Variants in TMEM154 observed in about 807,000 individuals in gnomAD.
TMEM154 encodes the protein transmembrane protein 154.
A neutral mutation model predicts 24.5 loss-of-function variants in TMEM154; 27 were observed. The ratio of observed to expected loss-of-function variants is 1.10; its 90% CI spans 0.81 to 1.52. The LOEUF is 1.52. Ranked by LOEUF, TMEM154 falls within the 40% of genes most tolerant of loss-of-function variation. The probability of loss-of-function intolerance (pLI) is 0.00; values close to 1 mark genes in which losing one functional copy is unlikely to be tolerated. For synonymous variants in TMEM154, 67 were observed against 76.8 expected (o/e 0.87, Z 0.67); for missense variants, 228 against 213.4 (o/e 1.07, Z -0.43).
intron 6 of TMEM154, among the ~76,000 whole-genome samples, chr4:152,632,168 C>T (rs895754985): frequency 6.6e-6 from 1 of 152,088 alleles, no homozygotes; most frequent in African/African-American, 2.4e-5. Context: ...CTCGTTCCCT[C>T]CTTAAAGCTA....
intron 5 of TMEM154, 92 bp from the exon 6 acceptor site, chr4:152,641,077 A>C: frequency 8.0e-7 from 1 of 1,254,290 alleles, no homozygotes; most frequent in Non-Finnish European, 1.1e-6. Flanking sequence ...TAGTTCTCTG[A>C]TCTGCGTGGT....
intron 1 of TMEM154, among the ~76,000 whole-genome samples, chr4:152,675,402 T>C (rs1386273736): frequency 3.3e-5 from 5 of 151,780 alleles, no homozygotes; most frequent in Non-Finnish European, 5.9e-5. Context: ...CCGAGGAGGG[T>C]GGATCTCCTG....
Position 152,626,140 on chromosome 4 carries a change from C to T in TMEM154, c.*2406G>A. 1 of 152,608 alleles carries T rather than the reference C, an allele frequency of 6.6e-6. No homozygotes were observed. Among genetic ancestry groups the T allele is most frequent in the East Asian group, 1.9e-4 (1 of 5,206 alleles). The allele number at this position is 152,608 out of a possible 1,614,324, so 9.5% of individuals were successfully genotyped here. A position where few individuals can be genotyped will look rare whatever the true frequency, so the allele number is the denominator to read the frequency against. ...GGGTATTTTTACATATTTATTAAAA[C>T]AAGTTTCCTGAGAAGTTTGACTAGG... On this transcript the variant is annotated 3_prime_UTR_variant, in exon 7 of 7. Coordinates refer to ENST00000304385, the MANE Select transcript of TMEM154 (RefSeq NM_152680.3).
At chr4:152,678,681 A>T (rs1728997920) in intron 1 of TMEM154, among the ~76,000 whole-genome samples, 1 of 152,226 alleles carries the variant, frequency 6.6e-6, no homozygotes. Flanking sequence ...TTTGAGCTGC[A>T]TCATCTTCAA....
chr4:152,642,470 C>A (rs1752277329), intron 5 of TMEM154, among the ~76,000 whole-genome samples: 1 of 152,280 alleles, frequency 6.6e-6, no homozygotes, highest in African/African-American at 2.4e-5. Flanking sequence ...GGAACATATA[C>A]TTCCATTACT....
chr4:152,640,875 A>AAAC, intron 6 of TMEM154, 53 bp downstream of exon 6: 1 of 1,275,656 alleles, frequency 7.8e-7, no homozygotes, highest in African/African-American at 1.5e-5. Context: ...CTGGTTCCCA[A>AAAC]TCCCCCCGCC....
rs572742251 is a variant in TMEM154 at position 152,673,253 on chromosome 4, T to C, written c.64+6617A>G. 2.7e-3 allele frequency among the ~76,000 whole-genome samples: 408 copies of C among 152,236 alleles called. 1 individual carries two copies. Among genetic ancestry groups the C allele is most frequent in the Middle Eastern group, 6.8e-3 (2 of 294 alleles). On this transcript the variant is annotated intron_variant, in intron 1 of 6. Transcript: ENST00000304385. ...ATAATTATTCTATGCATAGTAATCCTTTTTTTCTTTTTTTTTTCCCACCCC... is the reference window on the plus strand; with the variant it reads ...ATAATTATTCTATGCATAGTAATCCCTTTTTTCTTTTTTTTTTCCCACCCC...
intron 6 of TMEM154, among the ~76,000 whole-genome samples, chr4:152,637,771 C>T (rs1328963538): frequency 6.6e-6 from 1 of 152,112 alleles, no homozygotes; most frequent in Non-Finnish European, 1.5e-5. Flanking sequence ...ATGCACTTTC[C>T]ACCTGTATCT....
chr4:152,658,889 A>T (rs1728542186), intron 1 of TMEM154, among the ~76,000 whole-genome samples: 1 of 152,140 alleles, frequency 6.6e-6, no homozygotes. Context: ...TGCAGAGATA[A>T]GGGAACTCTT....
chr4:152,621,013 C>T lies in TMEM154; in HGVS notation c.*7533G>A, dbSNP rs1467830402. On this transcript the variant is annotated 3_prime_UTR_variant, in exon 7 of 7. Transcript: ENST00000304385. ...CCAGGGTGGCTACCTCTTCAGATACCCAATATTCTTCCACCACTTTGTGAG... is the reference window on the plus strand; with the variant it reads ...CCAGGGTGGCTACCTCTTCAGATACTCAATATTCTTCCACCACTTTGTGAG... 1 of 152,138 alleles carries T rather than the reference C, an allele frequency of 6.6e-6. No homozygotes were observed. Among genetic ancestry groups the T allele is most frequent in the Non-Finnish European group, 1.5e-5 (1 of 68,038 alleles). 9.4% of individuals were successfully genotyped at this position (152,138 alleles called of 1,614,324 possible).
chr4:152,674,550 C>T (rs1728913837), intron 1 of TMEM154, among the ~76,000 whole-genome samples: 1 of 152,174 alleles, frequency 6.6e-6, no homozygotes, highest in East Asian at 1.9e-4. Flanking sequence ...AGCTTACCCC[C>T]TCATGGAGGC....
chr4:152,640,993 A>G lies in TMEM154; in HGVS notation c.479-8T>C. The G allele has an allele frequency of 1.2e-6, 2 of 1,606,818 alleles. No homozygotes were observed. Among genetic ancestry groups the G allele is most frequent in the South Asian group, 1.1e-5 (1 of 89,528 alleles). On this transcript the variant is annotated splice_polypyrimidine_tract_variant and splice_region_variant and intron_variant, in intron 5 of 6. Coordinates refer to ENST00000304385, the MANE Select transcript of TMEM154 (RefSeq NM_152680.3). The stretch of plus-strand genomic sequence containing the variant: ...GTAAACATTCAAAGTCGGCTAGGAC[A>G]GAATAAAAGCAAACTCATTGTTAGT...
At chr4:152,666,477 C>T (rs527306314) in intron 1 of TMEM154, 2 of 151,924 alleles carry the variant, frequency 1.3e-5, no homozygotes, top group East Asian at 2.0e-4. Flanking sequence ...CCTTTGGGAA[C>T]AAAATTAAAT....
chr4:152,679,983 G>T lies in TMEM154; in HGVS notation c.-50C>A. On this transcript the variant is annotated 5_prime_UTR_variant, in exon 1 of 7. The change creates a new upstream start codon in the 5' untranslated region. Coordinates refer to ENST00000304385, the MANE Select transcript of TMEM154 (RefSeq NM_152680.3). ...GCTCAGGATGCTGCGCCGGGCTGCAGCCTCTCTGAAACGTGAACATTTCCT... is the reference window on the plus strand; with the variant it reads ...GCTCAGGATGCTGCGCCGGGCTGCATCCTCTCTGAAACGTGAACATTTCCT... 6.5e-7 allele frequency: 1 copy of T among 1,539,222 alleles called. No homozygotes were observed. The highest frequency in any genetic ancestry group is 1.2e-5 in the South Asian group (1 of 85,512).
chr4:152,673,836 T>G (rs986667632), intron 1 of TMEM154, among the ~76,000 whole-genome samples: 2 of 152,138 alleles, frequency 1.3e-5, no homozygotes, highest in African/African-American at 4.8e-5. Context: ...TTGTTTTTCA[T>G]TTTTACAAAC....
At chr4:152,656,861 C>A (rs561496073) in intron 1 of TMEM154, among the ~76,000 whole-genome samples, 2 of 151,492 alleles carry the variant, frequency 1.3e-5, no homozygotes, top group Non-Finnish European at 1.5e-5. Flanking sequence ...GTGGAGGTTG[C>A]GGTGAGCCAA....
intron 1 of TMEM154, among the ~76,000 whole-genome samples, chr4:152,653,760 C>T (rs1364909906): frequency 2.0e-5 from 3 of 151,756 alleles, no homozygotes; most frequent in Admixed American, 6.6e-5. Context: ...TTGACTGTGC[C>T]GGGCATGGTG....
chr4:152,655,155 G>A (rs1436314269), intron 1 of TMEM154, among the ~76,000 whole-genome samples: 1 of 152,178 alleles, frequency 6.6e-6, no homozygotes, highest in Non-Finnish European at 1.5e-5. Flanking sequence ...ATTTTGAATT[G>A]ATCATTTAAG....
intron 1 of TMEM154, among the ~76,000 whole-genome samples, chr4:152,671,122 G>A (rs1020453964): frequency 2.0e-5 from 3 of 151,914 alleles, no homozygotes; most frequent in Non-Finnish European, 1.5e-5. Flanking sequence ...AAGCAAAGAG[G>A]GAAGAGAAAG....
Sources: gnomAD v4.1 joint callset for allele counts (sites outside exome capture counted in the v4.1 genomes callset) on GRCh38, gnomAD v4.1.1 for gene constraint, MANE v1.5 for transcripts, NCBI Gene and HGNC (gene_info 2026-07-23, HGNC 2026-07-21) for gene names.